The following SLC36A3 variants were observed in gnomAD, a reference collection of about 807,000 sequenced individuals.
SLC36A3 encodes the protein proton-coupled amino acid transporter 3.
In SLC36A3, 35 loss-of-function variants were observed where a neutral mutation model predicts 44.3. That is an observed-to-expected ratio of 0.79 (90% CI 0.60 to 1.05). The LOEUF (loss-of-function observed/expected upper bound fraction) is 1.05, where lower values mean the gene tolerates loss of function less well. SLC36A3 is among the 50% of genes least tolerant of loss of function. The probability of loss-of-function intolerance (pLI) is 0.00; values close to 1 mark genes in which losing one functional copy is unlikely to be tolerated. For missense variants in SLC36A3, 540 were observed against 578.7 expected, an observed-to-expected ratio of 0.93 and a Z score of 0.69; for synonymous variants, 211 against 227.6, an observed-to-expected ratio of 0.93 and a Z score of 0.66.
intron 2 of SLC36A3, chr5:151,296,886 G>A (rs1487228222): frequency 2.6e-5 from 4 of 154,114 alleles, no homozygotes; most frequent in Non-Finnish European, 5.8e-5. Context: ...ATCCCAAGTT[G>A]GGGATCACTA....
rs1754145524 is a variant in SLC36A3, at chr5:151,277,645, G to A, written c.1161C>T (p.Leu387=). The A allele has an allele frequency of 1.2e-6, 2 of 1,614,022 alleles. No homozygotes were observed. Among genetic ancestry groups the A allele is most frequent in the East Asian group, 2.2e-5 (1 of 44,872 alleles). Residue 387 remains leucine (L), a synonymous_variant, in exon 10 of 10, where the codon CTC becomes CTT. Transcript: ENST00000335230. The part of the protein sequence containing the change: ...LVCLTCVSAI[L]IPRLDLVISL... ...AGATGACCAAGTCCAGGCGGGGGATGAGGATGGCTGAGACACCTGCAATGA... is the reference window on the plus strand; with the variant it reads ...AGATGACCAAGTCCAGGCGGGGGATAAGGATGGCTGAGACACCTGCAATGA...
At chr5:151,295,878 G>T (rs1293289365) in intron 3 of SLC36A3, among the ~76,000 whole-genome samples, 1 of 152,180 alleles carries the variant, frequency 6.6e-6, no homozygotes, top group African/African-American at 2.4e-5. Context: ...CAAATAAATA[G>T]AGTAATTTAT....
chr5:151,298,975 C>T (rs780511078), intron 1 of SLC36A3, among the ~76,000 whole-genome samples: 5 of 152,106 alleles, frequency 3.3e-5, no homozygotes, highest in Admixed American at 1.3e-4. Context: ...TTCATTAATT[C>T]ATCCAGTGAT....
chr5:151,282,131 T>G (rs1370404145), intron 8 of SLC36A3, among the ~76,000 whole-genome samples: 1 of 145,342 alleles, frequency 6.9e-6, no homozygotes, highest in Non-Finnish European at 1.5e-5. Context: ...TTTTTTTTTT[T>G]TTTTTTGAGA....
At chr5:151,299,394 T>TATA (rs58121505) in intron 1 of SLC36A3, among the ~76,000 whole-genome samples, 7 of 133,014 alleles carry the variant, frequency 5.3e-5, no homozygotes, top group African/African-American at 1.6e-4. Flanking sequence ...TATATATATA[T>TATA]TATATATATA....
chr5:151,281,293 A>C, intron 8 of SLC36A3, 110 bp from the exon 9 acceptor site: 1 of 1,110,630 alleles, frequency 9.0e-7, no homozygotes, highest in Admixed American at 2.5e-5. Context: ...CTAATCCAAA[A>C]CAAAATCTGA....
intron 5 of SLC36A3, among the ~76,000 whole-genome samples, chr5:151,287,747 T>C (rs779966754): frequency 1.6e-4 from 25 of 152,232 alleles, no homozygotes; most frequent in Non-Finnish European, 2.9e-4. Flanking sequence ...GAGGTTGTTA[T>C]CTACTCAAAC....
At chr5:151,289,554 A>G in intron 4 of SLC36A3, among the ~76,000 whole-genome samples, 1 of 152,080 alleles carries the variant, frequency 6.6e-6, no homozygotes. Flanking sequence ...TGATGATTAT[A>G]CTTTTTAAAG....
chr5:151,296,352 C>A lies in SLC36A3; in HGVS notation c.220-84G>T, dbSNP rs769056046. 3 of 1,162,250 alleles carry A rather than the reference C, an allele frequency of 2.6e-6. No homozygotes were observed. The African/African-American group carries it at 4.6e-5, about 18-fold the overall frequency. The allele number at this position is 1,162,250 out of a possible 1,614,324, so 72.0% of individuals were successfully genotyped here. A position where few individuals can be genotyped will look rare whatever the true frequency, so the allele number is the denominator to read the frequency against. ...CCCTCTCACAGTCTGCGTGCTGGGGCCTGTTGCATAATAAAACTGTCTTTG... is the reference window on the plus strand; with the variant it reads ...CCCTCTCACAGTCTGCGTGCTGGGGACTGTTGCATAATAAAACTGTCTTTG... On this transcript the variant is annotated intron_variant, in intron 2 of 9. Transcript: ENST00000335230.
chr5:151,299,660 T>C (rs952419747), intron 1 of SLC36A3, among the ~76,000 whole-genome samples: 1 of 152,158 alleles, frequency 6.6e-6, no homozygotes, highest in African/African-American at 2.4e-5. Context: ...TGCGTAAGCA[T>C]TGAACCCAGA....
chr5:151,296,110 G>T, intron 3 of SLC36A3, 70 bp downstream of exon 3: 1 of 1,448,758 alleles, frequency 6.9e-7, no homozygotes, highest in Non-Finnish European at 9.7e-7. Flanking sequence ...TTGGGTCAGT[G>T]GTCAAAAGAA....
chr5:151,287,943 G>A (rs1041656137), intron 5 of SLC36A3, among the ~76,000 whole-genome samples: 5 of 152,132 alleles, frequency 3.3e-5, no homozygotes, highest in Non-Finnish European at 5.9e-5. Flanking sequence ...GTTTGGGTGC[G>A]CAAAAACAAG....
intron 1 of SLC36A3, among the ~76,000 whole-genome samples, chr5:151,301,728 C>A (rs1755170396): frequency 1.1e-5 from 1 of 87,942 alleles, no homozygotes. Flanking sequence ...AAGACTCCGT[C>A]TAAAAAAAAA....
At chr5:151,285,889 C>A (rs1441013925) in intron 6 of SLC36A3, among the ~76,000 whole-genome samples, 1 of 152,198 alleles carries the variant, frequency 6.6e-6, no homozygotes, top group African/African-American at 2.4e-5. Flanking sequence ...AACAGATTCT[C>A]CCCTGGAATC....
intron 9 of SLC36A3, among the ~76,000 whole-genome samples, chr5:151,279,086 A>G (rs1409098521): frequency 6.6e-6 from 1 of 152,192 alleles, no homozygotes; most frequent in Non-Finnish European, 1.5e-5. Context: ...TACTTGCCTC[A>G]GGTCTGTGCA....
Position 151,284,711 on chromosome 5 carries a change from C to A in SLC36A3, c.709G>T (p.Gly237Trp). 1 of 1,609,452 alleles carries A rather than the reference C, an allele frequency of 6.2e-7. No homozygotes were observed. ...GGTAGGTTGCTGGGATATGGAATCC[C>A]CTAAAAGAAAGTGGGAGAAGCACAT... ...MALIFEYIME[G>W]IPYPSNLPLM... Residue 237 changes from glycine (G) to tryptophan (W), a missense_variant and splice_region_variant, in exon 7 of 10, where the codon GGG (glycine) becomes TGG (tryptophan). By Grantham distance (184) the Gly-to-Trp change is radical. Coordinates refer to ENST00000335230, the MANE Select transcript of SLC36A3 (RefSeq NM_181774.4).
At chr5:151,287,065 G>A (rs947459914) in intron 6 of SLC36A3, among the ~76,000 whole-genome samples, 181 bp downstream of exon 6, 43 of 152,186 alleles carry the variant, frequency 2.8e-4, no homozygotes, top group African/African-American at 1.0e-3. Context: ...CAATGATGAT[G>A]ATAATAATTA....
intron 4 of SLC36A3, among the ~76,000 whole-genome samples, chr5:151,292,026 A>G (rs564128412): frequency 4.6e-5 from 7 of 152,120 alleles, no homozygotes; most frequent in African/African-American, 1.7e-4. Context: ...AAGCCTGGCT[A>G]ATTTTCATAT....
chr5:151,284,604 C>G lies in SLC36A3; in HGVS notation c.807+9G>C. The G allele has an allele frequency of 6.2e-7, 1 of 1,603,726 alleles. No homozygotes were observed. The highest frequency in any genetic ancestry group is 8.5e-7 in the Non-Finnish European group (1 of 1,173,548). On this transcript the variant is annotated intron_variant, in intron 7 of 9. Coordinates refer to ENST00000335230, the MANE Select transcript of SLC36A3 (RefSeq NM_181774.4). ...TAGGGACCATTCGCGTGAACCCCAT[C>G]AATCTTACCATACCGACGCCTTCAA...
Sources: allele counts gnomAD v4.1 joint callset (sites outside exome capture counted in the v4.1 genomes callset), GRCh38; gene constraint gnomAD v4.1.1; transcripts MANE v1.5; gene names NCBI Gene and HGNC (gene_info 2026-07-23, HGNC 2026-07-21).